CCDC57: variants seen among roughly 807,000 people sequenced by gnomAD.
CCDC57 encodes coiled-coil domain containing 57.
CCDC57 carries 118 observed loss-of-function variants against 118.9 expected under a neutral mutation model. The ratio of observed to expected loss-of-function variants is 0.99; its 90% CI spans 0.86 to 1.16. CCDC57 has a LOEUF of 1.16. Ranked by LOEUF, CCDC57 falls within the 50% of genes most tolerant of loss-of-function variation. The pLI, the probability that CCDC57 is intolerant of heterozygous loss-of-function variation, is 0.00. For missense variants in CCDC57, 1,300 were observed against 1,320.7 expected (o/e 0.98, Z 0.24); for synonymous variants, 527 against 532.9 (o/e 0.99, Z 0.15).
rs373380187 is a variant in CCDC57 at position 82,102,891 on chromosome 17, A to C, written c.2900-1025T>G. 1.3e-3 allele frequency among the ~76,000 whole-genome samples: 204 copies of C among 151,762 alleles called. 1 individual carries two copies. Among genetic ancestry groups the C allele is most frequent in the African/African-American group, 4.5e-3 (187 of 41,174 alleles). ...ACAAGGGCAAACTCTATCTCAAAAAAAAAAAAAACAAAAAAAACCCCACAG... is the reference window on the plus strand; with the variant it reads ...ACAAGGGCAAACTCTATCTCAAAAACAAAAAAAACAAAAAAAACCCCACAG... On this transcript the variant is annotated intron_variant, in intron 19 of 19. Transcript: ENST00000665763.
intron 14 of CCDC57, among the ~76,000 whole-genome samples, chr17:82,160,889 A>G (rs1187183226): frequency 6.6e-6 from 1 of 151,232 alleles, no homozygotes; most frequent in Non-Finnish European, 1.5e-5. Context: ...AAAAAAAAAA[A>G]AAAAAAAAAG....
chr17:82,122,158 G>A (rs1432590906), intron 19 of CCDC57, among the ~76,000 whole-genome samples: 1 of 152,056 alleles, frequency 6.6e-6, no homozygotes, highest in South Asian at 2.1e-4. Flanking sequence ...CTCCTACACC[G>A]CTCCTTCCTC....
rs775624402 is a variant in CCDC57 at position 82,201,884 on chromosome 17, ACTC to A, written c.58_60del (p.Glu20del). 12 of 1,609,014 alleles carry A rather than the reference ACTC, an allele frequency of 7.5e-6. No individual in the cohort carries two copies. In the African/African-American group the frequency reaches 9.4e-5, roughly 13 times the overall value. On this transcript the variant is annotated inframe_deletion, in exon 3 of 20. Transcript: ENST00000665763. ...GTGCGGTGTGCCTGCAGCGCCCTCC[ACTC>A]CTCCTCCTTGCGAAGCAGCAGCTCA...
intron 19 of CCDC57, among the ~76,000 whole-genome samples, chr17:82,108,106 CCAAGCT>C (rs907621895): frequency 6.6e-6 from 1 of 152,256 alleles, no homozygotes; most frequent in African/African-American, 2.4e-5. Flanking sequence ...CAAGCCTTCT[CCAAGCT>C]CAGAGTCAGA....
chr17:82,110,451 C>T (rs1028939041), intron 19 of CCDC57, among the ~76,000 whole-genome samples: 4 of 152,146 alleles, frequency 2.6e-5, no homozygotes, highest in Non-Finnish European at 5.9e-5. Context: ...ACAAACAAAC[C>T]CATGTCCTCC....
intron 13 of CCDC57, among the ~76,000 whole-genome samples, chr17:82,170,557 G>T (rs80300340): frequency 4.0e-5 from 6 of 150,678 alleles, no homozygotes; most frequent in Non-Finnish European, 8.9e-5. Context: ...AGCATGCAGC[G>T]GGGGAGGAGT....
chr17:82,190,981 C>T (rs1314984527), intron 7 of CCDC57, among the ~76,000 whole-genome samples: 6 of 151,798 alleles, frequency 4.0e-5, no homozygotes, highest in South Asian at 2.1e-4. Flanking sequence ...GAAAAAGCCA[C>T]GGAAGCCATC....
chr17:82,117,558 A>C (rs2145041888), intron 19 of CCDC57, among the ~76,000 whole-genome samples: 1 of 152,220 alleles, frequency 6.6e-6, no homozygotes, highest in African/African-American at 2.4e-5. Context: ...GGAATGCTTG[A>C]GCCCGGGAGG....
At chr17:82,105,785 C>T (rs1168684619) in intron 19 of CCDC57, among the ~76,000 whole-genome samples, 4 of 152,234 alleles carry the variant, frequency 2.6e-5, no homozygotes, top group Non-Finnish European at 5.9e-5. Flanking sequence ...GTCCAGCTGC[C>T]TTCCCCACCT....
intron 16 of CCDC57, among the ~76,000 whole-genome samples, chr17:82,150,088 C>T (rs531877830): frequency 1.4e-4 from 18 of 129,270 alleles, no homozygotes; most frequent in Middle Eastern, 4.3e-3. Context: ...CTGGTGCACA[C>T]CCAGAACCTG....
At chr17:82,128,119 G>A (rs139580762) in intron 18 of CCDC57, among the ~76,000 whole-genome samples, 1 of 152,274 alleles carries the variant, frequency 6.6e-6, no homozygotes, top group Non-Finnish European at 1.5e-5. Flanking sequence ...CTGAGTGTGG[G>A]CAGGGCCTGA....
At position 82,108,660 on chromosome 17, in the gene CCDC57, C is replaced by G. The variant is rs1013277910; in HGVS notation, c.2900-6794G>C. 7 of 152,380 alleles carry G rather than the reference C, an allele frequency of 4.6e-5. No individual in the cohort carries two copies. The South Asian group carries it at 1.2e-3, about 27-fold the overall frequency. The allele number at this position is 152,380 out of a possible 1,614,324, so 9.4% of individuals were successfully genotyped here. The stretch of plus-strand genomic sequence containing the variant: ...CCTTCCCAAGTCACAGAGCAAACAC[C>G]TCAGTTCCCAGGGGTCCGCATCAGT... On this transcript the variant is annotated intron_variant, in intron 19 of 19. Transcript: ENST00000665763.
chr17:82,212,000 A>G (rs906591131), intron 1 of CCDC57, among the ~76,000 whole-genome samples: 1 of 152,208 alleles, frequency 6.6e-6, no homozygotes, highest in Admixed American at 6.5e-5. Context: ...CTGTAAAAAA[A>G]TCGCTTCAGC....
At chr17:82,143,755 C>A (rs761743415) in intron 16 of CCDC57, among the ~76,000 whole-genome samples, 1 of 152,014 alleles carries the variant, frequency 6.6e-6, no homozygotes, top group Non-Finnish European at 1.5e-5. Context: ...CACTTAGACA[C>A]AACAATGGTA....
chr17:82,143,079 T>C (rs1568238324), intron 16 of CCDC57, among the ~76,000 whole-genome samples: 1 of 152,002 alleles, frequency 6.6e-6, no homozygotes, highest in Non-Finnish European at 1.5e-5. Context: ...GGAGAATTGC[T>C]TGATCCCATG....
rs1408195038 is a variant in CCDC57, at chr17:82,158,031, G to C, written c.2041-83C>G. ...CCCCTGGGCACTGACAGGAAGCGCT[G>C]TGAGTGCCGGGAAAGAACGGGGAGC... On this transcript the variant is annotated intron_variant, in intron 14 of 19. Transcript: ENST00000665763. 10 of 1,476,572 alleles carry C rather than the reference G, an allele frequency of 6.8e-6. No individual in the cohort carries two copies. In the East Asian group the frequency reaches 2.0e-4, roughly 29 times the overall value. 91.5% of individuals were successfully genotyped at this position (1,476,572 alleles called of 1,614,324 possible).
chr17:82,193,140 C>T (rs2047877621), intron 7 of CCDC57, among the ~76,000 whole-genome samples: 1 of 152,146 alleles, frequency 6.6e-6, no homozygotes, highest in Non-Finnish European at 1.5e-5. Context: ...CTCACTGCAG[C>T]CTCAATCTCC....
At chr17:82,166,307 T>G (rs1001136986) in intron 13 of CCDC57, among the ~76,000 whole-genome samples, 1 of 147,988 alleles carries the variant, frequency 6.8e-6, no homozygotes, top group Non-Finnish European at 1.5e-5. Context: ...GCCAATAGTT[T>G]AAGATCAGCC....
intron 11 of CCDC57, among the ~76,000 whole-genome samples, chr17:82,177,897 C>T (rs901868527): frequency 2.0e-5 from 3 of 152,214 alleles, no homozygotes; most frequent in Admixed American, 1.3e-4. Context: ...TCCTCCCGTG[C>T]TGGGCCCTCT....
Sources: gnomAD v4.1 joint callset for allele counts (sites outside exome capture counted in the v4.1 genomes callset) on GRCh38, gnomAD v4.1.1 for gene constraint, MANE v1.5 for transcripts, NCBI Gene and HGNC (gene_info 2026-07-23, HGNC 2026-07-21) for gene names.